The following MACROD2 variants were observed in gnomAD, a reference collection of about 807,000 sequenced individuals.
MACROD2 encodes the protein mono-ADP ribosylhydrolase 2.
In MACROD2, 36 loss-of-function variants were observed where a neutral mutation model predicts 70.4. The ratio of observed to expected loss-of-function variants is 0.51; its 90% CI spans 0.39 to 0.68. The LOEUF (loss-of-function observed/expected upper bound fraction) is 0.68. Among genes scored for constraint, MACROD2 ranks in the 30% least tolerant of loss-of-function variants. MACROD2 has a pLI of 0.00. For synonymous variants in MACROD2, 172 were observed against 178.8 expected (o/e 0.96, Z 0.30); for missense variants, 496 against 538.4 (o/e 0.92, Z 0.78).
intron 5 of MACROD2, among the ~76,000 whole-genome samples, chr20:15,000,076 C>A (rs1038780438): frequency 1.3e-5 from 2 of 152,006 alleles, no homozygotes; most frequent in Non-Finnish European, 1.5e-5. Context: ...GACTGGGAAC[C>A]AAGAGGACTT....
At chr20:14,295,756 T>G (rs759471705) in intron 3 of MACROD2, among the ~76,000 whole-genome samples, 1 of 151,946 alleles carries the variant, frequency 6.6e-6, no homozygotes, top group Non-Finnish European at 1.5e-5. Context: ...TAGTTCCAGA[T>G]TTCAGTCCAA....
chr20:14,844,203 T>C (rs2073115716), intron 5 of MACROD2, among the ~76,000 whole-genome samples: 3 of 151,890 alleles, frequency 2.0e-5, no homozygotes, highest in South Asian at 2.1e-4. Context: ...ATAATTTTTT[T>C]TCCCCCAAAA....
intron 4 of MACROD2, among the ~76,000 whole-genome samples, chr20:14,611,609 C>T (rs1035503921): frequency 5.9e-5 from 9 of 152,030 alleles, no homozygotes; most frequent in African/African-American, 2.2e-4. Flanking sequence ...AAGGGCCTGG[C>T]TCAGTGCCTG....
At chr20:15,694,892 G>A (rs1350197245) in intron 8 of MACROD2, among the ~76,000 whole-genome samples, 4 of 152,134 alleles carry the variant, frequency 2.6e-5, no homozygotes, top group Non-Finnish European at 5.9e-5. Flanking sequence ...GTTGATTTTT[G>A]TATAAGGTGA....
chr20:14,522,179 A>G (rs1345334014), intron 4 of MACROD2, among the ~76,000 whole-genome samples: 1 of 152,112 alleles, frequency 6.6e-6, no homozygotes, highest in Admixed American at 6.5e-5. Context: ...ATATTTGAAA[A>G]CGATTGGGTT....
intron 2 of MACROD2, among the ~76,000 whole-genome samples, chr20:14,011,209 A>C (rs1295313536): frequency 6.6e-6 from 1 of 152,188 alleles, no homozygotes; most frequent in Non-Finnish European, 1.5e-5. Context: ...TTTAAAAGGC[A>C]GTCCCTTACT....
At chr20:15,301,591 C>CTTTTTTTTTTTTTTTTTTTTGTT (rs2077643468) in intron 6 of MACROD2, among the ~76,000 whole-genome samples, 1 of 81,250 alleles carries the variant, frequency 1.2e-5, no homozygotes, top group Non-Finnish European at 2.4e-5. Flanking sequence ...GGTAGGTGGC[C>CTTTTTTTTTTTTTTTTTTTTGTT]TTTTTTTTTT....
chr20:14,686,285 G>C (rs974526791), intron 5 of MACROD2, among the ~76,000 whole-genome samples: 2 of 151,984 alleles, frequency 1.3e-5, no homozygotes, highest in Non-Finnish European at 2.9e-5. Context: ...TGGAGATGGG[G>C]CCCAAGTCTA....
At chr20:15,650,802 A>G (rs1387284858) in intron 8 of MACROD2, among the ~76,000 whole-genome samples, 1 of 152,158 alleles carries the variant, frequency 6.6e-6, no homozygotes, top group Admixed American at 6.5e-5. Context: ...AACAAGGCAT[A>G]TAACATGTGA....
chr20:15,904,707 C>T (rs2065117540), intron 10 of MACROD2, among the ~76,000 whole-genome samples: 1 of 151,772 alleles, frequency 6.6e-6, no homozygotes, highest in South Asian at 2.1e-4. Context: ...CCTGGCTAAC[C>T]TGTCTCTACT....
chr20:15,874,678 T>G (rs1989402), intron 9 of MACROD2, among the ~76,000 whole-genome samples: 85,062 of 152,032 alleles, frequency 0.56, 27,376 homozygotes, highest in Non-Finnish European at 0.73. Context: ...ATGATGAGCA[T>G]TTTTAAATAT....
chr20:14,299,074 T>A (rs538264074), intron 3 of MACROD2, among the ~76,000 whole-genome samples: 2 of 152,252 alleles, frequency 1.3e-5, no homozygotes, highest in East Asian at 3.9e-4. Context: ...ACTCTAGTTT[T>A]GAAAGAAGTT....
In MACROD2 at chr20:14,725,101, T is replaced by A. The variant is rs140833762; in HGVS notation, c.418+40142T>A. Among the ~76,000 whole-genome samples, 989 of 152,122 alleles carry A rather than the reference T, an allele frequency of 6.5e-3. 12 individuals are homozygous for A. The highest frequency in any genetic ancestry group is 0.022 in the African/African-American group (920 of 41,486). Reference sequence around the variant, plus strand: ...ATGGGGAGTGAAAGGATGGGAAGAATCAAGAACAAATCCTAGGTTTTTGGC... The same window carrying A: ...ATGGGGAGTGAAAGGATGGGAAGAAACAAGAACAAATCCTAGGTTTTTGGC... On this transcript the variant is annotated intron_variant, in intron 5 of 17. Coordinates refer to ENST00000684519, the MANE Select transcript of MACROD2 (RefSeq NM_001351661.2).
At chr20:15,315,936 A>G (rs191208749) in intron 6 of MACROD2, among the ~76,000 whole-genome samples, 142 of 152,256 alleles carry the variant, frequency 9.3e-4, no homozygotes, top group Admixed American at 2.1e-3. Context: ...AGCAGGCAAA[A>G]GCTGCATTTG....
At chr20:15,645,185 T>A (rs573114905) in intron 8 of MACROD2, among the ~76,000 whole-genome samples, 1 of 152,344 alleles carries the variant, frequency 6.6e-6, no homozygotes, top group African/African-American at 2.4e-5. Flanking sequence ...GATCAGTTGC[T>A]GCACCGGAAT....
intron 2 of MACROD2, among the ~76,000 whole-genome samples, chr20:14,043,898 A>G (rs1444630935): frequency 6.6e-6 from 1 of 152,198 alleles, no homozygotes; most frequent in Non-Finnish European, 1.5e-5. Flanking sequence ...ACCAGGATCC[A>G]TGGGCGAAAA....
chr20:14,084,082 C>CAAAAAAAAAAAAA (rs1289652442), intron 2 of MACROD2, among the ~76,000 whole-genome samples: 1 of 112,598 alleles, frequency 8.9e-6, no homozygotes, highest in Admixed American at 1.2e-4. Flanking sequence ...AAAAAACAAA[C>CAAAAAAAAAAAAA]AAAAAAAAAC....
intron 3 of MACROD2, among the ~76,000 whole-genome samples, chr20:14,162,265 T>C (rs1240269571): frequency 6.6e-6 from 1 of 152,228 alleles, no homozygotes. Context: ...AAATAATTAG[T>C]TGAGACTTGT....
At chr20:14,816,039 A>G (rs914847436) in intron 5 of MACROD2, among the ~76,000 whole-genome samples, 1 of 152,036 alleles carries the variant, frequency 6.6e-6, no homozygotes, top group African/African-American at 2.4e-5. Flanking sequence ...GTTCCTTTCC[A>G]TCACGTGTTT....
Sources: gnomAD v4.1 joint callset for allele counts (sites outside exome capture counted in the v4.1 genomes callset) on GRCh38, gnomAD v4.1.1 for gene constraint, MANE v1.5 for transcripts, NCBI Gene and HGNC (gene_info 2026-07-23, HGNC 2026-07-21) for gene names.